Variants in CCDC15 observed in about 807,000 individuals in gnomAD.
The protein encoded by CCDC15 is coiled-coil domain-containing protein 15.
A neutral mutation model predicts 114.5 loss-of-function variants in CCDC15; 105 were observed. The observed-to-expected ratio is 0.92, with a 90% CI of 0.78 to 1.08. The LOEUF is 1.08. Among genes scored for constraint, CCDC15 ranks in the 50% least tolerant of loss-of-function variants. CCDC15 has a pLI of 0.00. For synonymous variants in CCDC15, 334 were observed against 377.8 expected (o/e 0.88, Z 1.34); for missense variants, 1,105 against 1,093.6 (o/e 1.01, Z -0.15).
chr11:125,000,110 G>A (rs1189741436), intron 11 of CCDC15, among the ~76,000 whole-genome samples: 5 of 151,790 alleles, frequency 3.3e-5, no homozygotes, highest in Admixed American at 6.6e-5. Context: ...TAATCCACCC[G>A]CCTTGGCCTC....
In CCDC15 at chr11:125,004,292, C is replaced by T. The variant is rs530518889; in HGVS notation, c.2307+333C>T. On this transcript the variant is annotated intron_variant, in intron 12 of 15. Coordinates refer to ENST00000344762, the MANE Select transcript of CCDC15 (RefSeq NM_025004.3). ...TTTTCAATCTAAAGTTAGTTTAAAC[C>T]GATAGTTCTTAACCCTGGCCATGCA... 4.7e-4 allele frequency among the ~76,000 whole-genome samples: 71 copies of T among 151,318 alleles called. 2 individuals carry two copies. In the South Asian group the frequency reaches 8.1e-3, roughly 17 times the overall value.
In CCDC15 at chr11:125,036,286, T is replaced by TCAATATATTATG. The variant is rs1227847578; in HGVS notation, c.2412-2144_2412-2133dup. Among the ~76,000 whole-genome samples the TCAATATATTATG allele has an allele frequency of 3.8e-5, 4 of 105,346 alleles. No homozygotes were observed. The East Asian group carries it at 7.9e-4, about 21-fold the overall frequency. 69.1% of individuals were successfully genotyped at this position (105,346 alleles called of 152,430 possible). On this transcript the variant is annotated intron_variant, in intron 13 of 15. Coordinates refer to ENST00000344762, the MANE Select transcript of CCDC15 (RefSeq NM_025004.3). ...AAAAGTTCTTTTTCCTTTGGCACTT[T>TCAATATATTATG]CAATATATTATGTCACTCTTTCCTG...
At chr11:125,014,548 CA>C (rs1278179982) in intron 13 of CCDC15, among the ~76,000 whole-genome samples, 1 of 151,856 alleles carries the variant, frequency 6.6e-6, no homozygotes, top group Non-Finnish European at 1.5e-5. Context: ...AGAATTTCAC[CA>C]AAGAAATGGA....
At chr11:125,008,280 G>C (rs1391788326) in intron 13 of CCDC15, among the ~76,000 whole-genome samples, 1 of 152,018 alleles carries the variant, frequency 6.6e-6, no homozygotes, top group African/African-American at 2.4e-5. Context: ...TTTCATTTTG[G>C]AAATACATAT....
chr11:124,974,192 C>T (rs2135456577), intron 4 of CCDC15, among the ~76,000 whole-genome samples: 1 of 152,124 alleles, frequency 6.6e-6, no homozygotes, highest in East Asian at 1.9e-4. Context: ...TCAGGCTAGT[C>T]TCGGTCTCGA....
chr11:124,985,220 A>T (rs192174467), intron 6 of CCDC15, among the ~76,000 whole-genome samples: 1 of 133,664 alleles, frequency 7.5e-6, no homozygotes, highest in East Asian at 1.9e-4. Flanking sequence ...TATTGTATAG[A>T]TGTACCACAT....
intron 11 of CCDC15, among the ~76,000 whole-genome samples, chr11:124,998,289 A>T (rs1208323771): frequency 6.6e-6 from 1 of 152,156 alleles, no homozygotes; most frequent in East Asian, 1.9e-4. Context: ...TATGAGAAAT[A>T]ATTATCCTGT....
At chr11:125,021,510 G>T (rs1310806837) in intron 13 of CCDC15, among the ~76,000 whole-genome samples, 1 of 151,818 alleles carries the variant, frequency 6.6e-6, no homozygotes, top group African/African-American at 2.4e-5. Context: ...CCTCCTTGGG[G>T]ACAGTATTGC....
At chr11:125,002,781 A>G (rs534305769) in intron 11 of CCDC15, among the ~76,000 whole-genome samples, 2 of 152,108 alleles carry the variant, frequency 1.3e-5, no homozygotes, top group South Asian at 4.2e-4. Flanking sequence ...TATTAGTACA[A>G]TTTGTCTTGA....
intron 13 of CCDC15, among the ~76,000 whole-genome samples, chr11:125,034,598 T>C (rs1193140066): frequency 6.6e-6 from 1 of 152,188 alleles, no homozygotes; most frequent in African/African-American, 2.4e-5. Flanking sequence ...CTTCATTATG[T>C]TCCTTGGTTC....
intron 13 of CCDC15, among the ~76,000 whole-genome samples, chr11:125,031,180 A>C (rs1170930462): frequency 6.6e-6 from 1 of 152,218 alleles, no homozygotes; most frequent in Non-Finnish European, 1.5e-5. Context: ...AGGTCTGTCC[A>C]TCAGGGATGT....
intron 4 of CCDC15, among the ~76,000 whole-genome samples, chr11:124,971,998 T>C (rs763900025): frequency 1.4e-4 from 22 of 152,234 alleles, no homozygotes; most frequent in Admixed American, 1.3e-4. Context: ...TGCTTAGATC[T>C]ATATTAAACA....
chr11:124,975,284 C>A, intron 5 of CCDC15, 75 bp downstream of exon 5: 1 of 891,542 alleles, frequency 1.1e-6, no homozygotes, highest in East Asian at 3.0e-5. Flanking sequence ...TATATCTCAG[C>A]ATAATTTAGA....
In CCDC15 at chr11:124,994,054, T is replaced by C. The variant is rs996308409; in HGVS notation, c.2214+811T>C. Among the ~76,000 whole-genome samples the C allele has an allele frequency of 3.3e-5, 5 of 152,336 alleles. No individual in the cohort carries two copies. The East Asian group carries it at 9.6e-4, about 29-fold the overall frequency. ...TAATATATCAGACTATTCTGACTCA[T>C]TTAGATTACTTCAGGGCTATCACTG... On this transcript the variant is annotated intron_variant, in intron 11 of 15. Transcript: ENST00000344762.
rs539589624 is a variant in CCDC15 at position 124,970,659 on chromosome 11, T to G, written c.517-4437T>G. Among the ~76,000 whole-genome samples the G allele has an allele frequency of 2.0e-5, 3 of 152,322 alleles. No individual in the cohort carries two copies. In the South Asian group the frequency reaches 6.2e-4, roughly 32 times the overall value. On this transcript the variant is annotated intron_variant, in intron 4 of 15. Transcript: ENST00000344762. ...CTCTTTTCCCATGACCTACATAGTATTACTAATTGTTTTGTTTATACAGTT... is the reference window on the plus strand; with the variant it reads ...CTCTTTTCCCATGACCTACATAGTAGTACTAATTGTTTTGTTTATACAGTT...
chr11:124,968,889 T>A (rs1947832388), intron 4 of CCDC15, among the ~76,000 whole-genome samples: 1 of 152,162 alleles, frequency 6.6e-6, no homozygotes, highest in African/African-American at 2.4e-5. Context: ...TTCAGACTGA[T>A]CATTTTATTT....
chr11:125,025,085 AATAT>A (rs1171259249), intron 13 of CCDC15, among the ~76,000 whole-genome samples: 30 of 79,512 alleles, frequency 3.8e-4, no homozygotes, highest in Admixed American at 4.9e-4. Context: ...AATATATATG[AATAT>A]ATATATGAAT....
rs772719036 is a variant in CCDC15 at position 124,987,957 on chromosome 11, A to G, written c.1731A>G (p.Leu577=). 6.2e-7 allele frequency: 1 copy of G among 1,613,926 alleles called. No homozygotes were observed. Among genetic ancestry groups the G allele is most frequent in the South Asian group, 1.1e-5 (1 of 91,070 alleles). The stretch of plus-strand genomic sequence containing the variant: ...TTCTTCCCAAAGACCAAAATATTCT[A>G]CCCATATGTCAGGACCAGGATTTTC... ...QGVLPKDQNI[L]PICQDQDFLP... is the part of the protein sequence containing the mutation. The change falls in exon 8 of 16, where the codon CTA becomes CTG. Residue 577 remains leucine, a synonymous_variant. Coordinates refer to ENST00000344762, the MANE Select transcript of CCDC15 (RefSeq NM_025004.3).
chr11:125,033,587 C>T (rs1948756099), intron 13 of CCDC15, among the ~76,000 whole-genome samples: 1 of 152,158 alleles, frequency 6.6e-6, no homozygotes, highest in Admixed American at 6.5e-5. Context: ...TGGACCCTCC[C>T]AGCTGGAATG....
Sources: gnomAD v4.1 joint callset for allele counts (sites outside exome capture counted in the v4.1 genomes callset) on GRCh38, gnomAD v4.1.1 for gene constraint, MANE v1.5 for transcripts, NCBI Gene and HGNC (gene_info 2026-07-23, HGNC 2026-07-21) for gene names.